Variants in FOXP2 observed in about 807,000 individuals in gnomAD.
The protein encoded by FOXP2 is forkhead box protein P2.
In FOXP2, 12 loss-of-function variants were observed where a neutral mutation model predicts 115.8. That is an observed-to-expected ratio of 0.10 (90% CI 0.07 to 0.17). FOXP2 has a LOEUF of 0.17. FOXP2 is among the 10% of genes least tolerant of loss of function. FOXP2 has a pLI of 1.00. For synonymous variants in FOXP2, 328 were observed against 297.7 expected (o/e 1.10, Z -1.05); for missense variants, 629 against 843.5 (o/e 0.75, Z 3.15).
intron 1 of FOXP2, among the ~76,000 whole-genome samples, chr7:114,264,792 G>C (rs1330649687): frequency 6.6e-6 from 1 of 152,118 alleles, no homozygotes; most frequent in Non-Finnish European, 1.5e-5. Context: ...TACTCATGGG[G>C]GAAGGCGAAG....
chr7:114,444,401 C>T (rs1392544496), intron 2 of FOXP2, among the ~76,000 whole-genome samples: 1 of 152,150 alleles, frequency 6.6e-6, no homozygotes, highest in Non-Finnish European at 1.5e-5. Flanking sequence ...CTTGAAATCA[C>T]CACAAGTGAT....
chr7:114,102,349 C>A (rs947904253), intron 1 of FOXP2, among the ~76,000 whole-genome samples: 2 of 151,812 alleles, frequency 1.3e-5, no homozygotes, highest in Non-Finnish European at 2.9e-5. Flanking sequence ...TCATATATGA[C>A]AGGAGTTGAT....
chr7:114,229,525 A>C (rs897654463), intron 1 of FOXP2, among the ~76,000 whole-genome samples: 4 of 151,732 alleles, frequency 2.6e-5, no homozygotes, highest in African/African-American at 9.7e-5. Flanking sequence ...AAATGTAAGA[A>C]GATTGAAATA....
intron 1 of FOXP2, among the ~76,000 whole-genome samples, chr7:114,206,209 C>T (rs961082172): frequency 1.3e-5 from 2 of 152,104 alleles, no homozygotes; most frequent in African/African-American, 4.8e-5. Context: ...ACCAGATAGT[C>T]TCAATACCCT....
chr7:114,420,910 G>A (rs1035066576), intron 1 of FOXP2, among the ~76,000 whole-genome samples: 4 of 151,724 alleles, frequency 2.6e-5, no homozygotes, highest in African/African-American at 9.7e-5. Flanking sequence ...TTACATGTTT[G>A]AGAAATAAAT....
At chr7:114,663,829 C>T (rs1037723456) in intron 15 of FOXP2, among the ~76,000 whole-genome samples, 2 of 152,100 alleles carry the variant, frequency 1.3e-5, no homozygotes, top group African/African-American at 4.8e-5. Flanking sequence ...AATGATTTCA[C>T]ATCATAGTGT....
At chr7:114,689,693 T>G in intron 16 of FOXP2, 89 bp from the exon 17 acceptor site, 1 of 1,384,726 alleles carries the variant, frequency 7.2e-7, no homozygotes, top group Admixed American at 1.8e-5. Context: ...CTTCTTGCCT[T>G]TTTTCAGTTG....
intron 1 of FOXP2, among the ~76,000 whole-genome samples, chr7:114,251,770 A>G (rs181839101): frequency 4.3e-4 from 65 of 152,282 alleles, no homozygotes; most frequent in Admixed American, 2.6e-3. Context: ...TTCCTAATTG[A>G]ATATCCTTTC....
At chr7:114,202,357 ATAAGGCATGGATT>A in intron 1 of FOXP2, among the ~76,000 whole-genome samples, 1 of 152,318 alleles carries the variant, frequency 6.6e-6, no homozygotes, top group Non-Finnish European at 1.5e-5. Flanking sequence ...CTATAGGCTT[ATAAGGCATGGATT>A]TAAAAAATGC....
rs1164249925 is a variant in FOXP2, at chr7:114,659,689, G to T, written c.1647+16G>T. ...AACTTGGAAGGTAACTACTTTTCCAGCAGTTTTAAGATGCCTACCACAGTT... is the reference window on the plus strand; with the variant it reads ...AACTTGGAAGGTAACTACTTTTCCATCAGTTTTAAGATGCCTACCACAGTT... On this transcript the variant is annotated intron_variant, in intron 13 of 16. Coordinates refer to ENST00000350908, the MANE Select transcript of FOXP2 (RefSeq NM_014491.4). 1 of 1,596,298 alleles carries T rather than the reference G, an allele frequency of 6.3e-7. No individual in the cohort carries two copies. Among genetic ancestry groups the T allele is most frequent in the Non-Finnish European group, 8.6e-7 (1 of 1,164,132 alleles).
intron 1 of FOXP2, among the ~76,000 whole-genome samples, chr7:114,257,451 C>CTTTTT (rs35852445): frequency 1.5e-4 from 14 of 92,190 alleles, no homozygotes; most frequent in South Asian, 3.4e-4. Context: ...TCTTTTCTTT[C>CTTTTT]TTTTTTTTTT....
At chr7:114,586,289 C>G (rs952457764) in intron 3 of FOXP2, among the ~76,000 whole-genome samples, 1 of 151,960 alleles carries the variant, frequency 6.6e-6, no homozygotes, top group Admixed American at 6.6e-5. Context: ...TATACTTAGT[C>G]TCTGATGGGT....
rs554341648 is a variant in FOXP2, at chr7:114,620,208, A to C, written c.259-8332A>C. The stretch of plus-strand genomic sequence containing the variant: ...CATCGCTACACTACAAAAGAACTTG[A>C]TATATAACCTAACGGCAAGTGAAAT... On this transcript the variant is annotated intron_variant, in intron 3 of 16. Coordinates refer to ENST00000350908, the MANE Select transcript of FOXP2 (RefSeq NM_014491.4). Among the ~76,000 whole-genome samples the C allele has an allele frequency of 7.9e-5, 12 of 152,180 alleles. No homozygotes were observed. The South Asian group carries it at 2.5e-3, about 32-fold the overall frequency.
chr7:114,176,294 T>TC (rs1554426527), intron 1 of FOXP2, among the ~76,000 whole-genome samples: 8 of 49,410 alleles, frequency 1.6e-4, no homozygotes, highest in Admixed American at 4.3e-4. Context: ...CTTTCTTTCT[T>TC]TCTTTCTCTC....
intron 2 of FOXP2, among the ~76,000 whole-genome samples, chr7:114,409,131 T>G (rs541550859): frequency 6.6e-6 from 1 of 152,288 alleles, no homozygotes; most frequent in East Asian, 1.9e-4. Context: ...AAATTTGGTT[T>G]AGATCAACAC....
At chr7:114,447,979 T>G (rs1794911030) in intron 2 of FOXP2, among the ~76,000 whole-genome samples, 1 of 152,166 alleles carries the variant, frequency 6.6e-6, no homozygotes, top group East Asian at 1.9e-4. Context: ...TAGGTTAACC[T>G]TCATAAATTG....
At position 114,202,624 on chromosome 7, in the gene FOXP2, A is replaced by G. The variant is rs113693410; in HGVS notation, c.-102+39536A>G. ...CAGAATGAGATTTTAGATTGTTAAC[A>G]TCACAGTGGTATTGGAAACCTGGTT... On this transcript the variant is annotated intron_variant, in intron 1 of 17. Coordinates refer to the FOXP2 transcript ENST00000634411. Among the ~76,000 whole-genome samples the G allele has an allele frequency of 4.8e-3, 734 of 152,326 alleles. 3 individuals carry two copies. Among genetic ancestry groups the G allele is most frequent in the African/African-American group, 0.016 (680 of 41,568 alleles).
intron 3 of FOXP2, among the ~76,000 whole-genome samples, chr7:114,601,677 A>G (rs1197723980): frequency 2.0e-5 from 3 of 152,096 alleles, no homozygotes; most frequent in Non-Finnish European, 4.4e-5. Flanking sequence ...GATATATTGT[A>G]GTTTTATAAT....
Position 114,503,695 on chromosome 7 carries a change from G to T in FOXP2, c.169-30922G>T, listed in dbSNP as rs181264739. Among the ~76,000 whole-genome samples the T allele has an allele frequency of 3.5e-3, 530 of 150,894 alleles. 3 individuals carry two copies. The highest frequency in any genetic ancestry group is 0.01 in the Middle Eastern group (3 of 294). The stretch of plus-strand genomic sequence containing the variant: ...AGCCAAATTAATCCACCTTTTACCT[G>T]CTGTTAAAAGTTGTTTACTTTTTCC... On this transcript the variant is annotated intron_variant, in intron 2 of 16. Transcript: ENST00000350908.
Sources: gnomAD v4.1 joint callset for allele counts (sites outside exome capture counted in the v4.1 genomes callset) on GRCh38, gnomAD v4.1.1 for gene constraint, MANE v1.5 for transcripts, NCBI Gene and HGNC (gene_info 2026-07-23, HGNC 2026-07-21) for gene names.